MEDAG: variants seen among roughly 807,000 people sequenced by gnomAD.
The protein encoded by MEDAG is mesenteric estrogen dependent adipogenesis, also known as mesenteric estrogen-dependent adipogenesis protein.
In MEDAG, 25 loss-of-function variants were observed where a neutral mutation model predicts 29.9. The ratio of observed to expected loss-of-function variants is 0.84; its 90% CI spans 0.61 to 1.17. The LOEUF (loss-of-function observed/expected upper bound fraction) is 1.17, where lower values mean the gene tolerates loss of function less well. MEDAG is among the 50% of genes most tolerant of loss of function. The probability of loss-of-function intolerance (pLI) is 0.00; values close to 1 mark genes in which losing one functional copy is unlikely to be tolerated. For synonymous variants in MEDAG, 158 were observed against 148.2 expected (o/e 1.07, Z -0.48); for missense variants, 398 against 372.9 (o/e 1.07, Z -0.56).
At chr13:30,910,220 G>GT (rs749602652) in intron 1 of MEDAG, among the ~76,000 whole-genome samples, 1 of 68,678 alleles carries the variant, frequency 1.5e-5, no homozygotes, top group East Asian at 7.0e-4. Context: ...ACACACACAT[G>GT]TTTTTTCCTA....
chr13:30,906,850 C>G (rs979848269), intron 1 of MEDAG, 57 bp downstream of exon 1: 2 of 1,400,362 alleles, frequency 1.4e-6, no homozygotes, highest in East Asian at 2.8e-5. Flanking sequence ...GACGCCTCCA[C>G]CCGGCTGCGG....
chr13:30,914,922 A>G (rs1952912755), intron 1 of MEDAG, among the ~76,000 whole-genome samples: 1 of 152,200 alleles, frequency 6.6e-6, no homozygotes, highest in African/African-American at 2.4e-5. Flanking sequence ...CAGATATTGA[A>G]AGAATAGAGG....
chr13:30,918,294 T>C (rs931646754), intron 2 of MEDAG, among the ~76,000 whole-genome samples: 1 of 152,216 alleles, frequency 6.6e-6, no homozygotes, highest in Non-Finnish European at 1.5e-5. Flanking sequence ...CAGGACGTTA[T>C]GAACATGAAC....
intron 1 of MEDAG, 32 bp downstream of exon 1, chr13:30,906,825 C>T: frequency 1.4e-6 from 2 of 1,428,800 alleles, no homozygotes; most frequent in Non-Finnish European, 1.8e-6. Context: ...CCTGGCCCGT[C>T]GCCTGGTACC....
Position 30,921,020 on chromosome 13 carries a change from C to A in MEDAG, c.395C>A (p.Thr132Lys), listed in dbSNP as rs138327988. The A allele has an allele frequency of 1.9e-6, 3 of 1,613,034 alleles. No individual in the cohort carries two copies. Among genetic ancestry groups the A allele is most frequent in the Non-Finnish European group, 2.5e-6 (3 of 1,179,306 alleles). Residue 132 changes from threonine (T) to lysine (K), a missense_variant, in exon 3 of 5, where the codon ACG becomes AAG. Transcript: ENST00000380482. ...TCTGCTTGCTAATTTCTAGAAAGGACGTACGCGTTTCTTGTAAACACGAGG... is the reference window on the plus strand; with the variant it reads ...TCTGCTTGCTAATTTCTAGAAAGGAAGTACGCGTTTCTTGTAAACACGAGG... ...QTKKDTSKER[T>K]YAFLVNTRHP...
In MEDAG at chr13:30,910,431, C is replaced by A. The variant is rs1186570645; in HGVS notation, c.278+3638C>A. On this transcript the variant is annotated intron_variant, in intron 1 of 4. Coordinates refer to ENST00000380482, the MANE Select transcript of MEDAG (RefSeq NM_032849.4). Reference sequence around the variant, plus strand: ...ATCTCATAAAAGTTTACAAAGTTTGCATTACTGTTGTTTCTCCTTTTTACA... The same window carrying A: ...ATCTCATAAAAGTTTACAAAGTTTGAATTACTGTTGTTTCTCCTTTTTACA... Among the ~76,000 whole-genome samples, 2 of 152,288 alleles carry A rather than the reference C, an allele frequency of 1.3e-5. 1 individual carries two copies. The highest frequency in any genetic ancestry group is 6.8e-3 in the Middle Eastern group (2 of 294).
intron 4 of MEDAG, 138 bp from the exon 5 acceptor site, chr13:30,924,173 C>G (rs1953017409): frequency 1.2e-6 from 1 of 863,646 alleles, no homozygotes; most frequent in African/African-American, 1.7e-5. Context: ...TTCTGTTTAG[C>G]CTTTTGAATT....
chr13:30,912,470 T>C (rs1031440942), intron 1 of MEDAG, among the ~76,000 whole-genome samples: 4 of 152,074 alleles, frequency 2.6e-5, no homozygotes, highest in Non-Finnish European at 5.9e-5. Context: ...TGTGTTCTTC[T>C]TTTTCTCTGC....
In MEDAG at chr13:30,906,729, G is replaced by GTCT; in HGVS notation, c.217_219dup (p.Phe73dup). 6.6e-7 allele frequency: 1 copy of GTCT among 1,515,224 alleles called. No homozygotes were observed. The highest frequency in any genetic ancestry group is 2.5e-5 in the East Asian group (1 of 39,656). 93.9% of individuals were successfully genotyped at this position (1,515,224 alleles called of 1,614,324 possible). Reference sequence around the variant, plus strand: ...GGCGGCGGCGCGGGGGGGCTTCAACGTCTTCGGTGACGGCCTCGTGCGCCT... The same window carrying GTCT: ...GGCGGCGGCGCGGGGGGGCTTCAACGTCTTCTTCGGTGACGGCCTCGTGCGCCT... On this transcript the variant is annotated inframe_insertion, in exon 1 of 5. Transcript: ENST00000380482.
rs1346890352 is a variant in MEDAG at position 30,918,241 on chromosome 13, A to G, written c.388+729A>G. On this transcript the variant is annotated intron_variant, in intron 2 of 4. Coordinates refer to ENST00000380482, the MANE Select transcript of MEDAG (RefSeq NM_032849.4). Reference sequence around the variant, plus strand: ...ACCTACTATGTCTAAGAAGTGCTCTAATGTAATGGATCACCACAACAACTT... The same window carrying G: ...ACCTACTATGTCTAAGAAGTGCTCTGATGTAATGGATCACCACAACAACTT... Among the ~76,000 whole-genome samples the G allele has an allele frequency of 5.3e-5, 8 of 152,314 alleles. No homozygotes were observed. The East Asian group carries it at 9.6e-4, about 18-fold the overall frequency.
chr13:30,906,597 T>C lies in MEDAG; in HGVS notation c.82T>C (p.Cys28Arg), dbSNP rs774468841. The change falls in exon 1 of 5, where the codon TGC becomes CGC. Residue 28 changes from cysteine to arginine, a missense_variant. Physicochemically the swap from Cys to Arg is radical, Grantham distance 180. Transcript: ENST00000380482. ...TGGGGAGCTTCGCAGCCTGTGGACCTGCGACTGCGAGCTGGCCCTGCTGCC... is the reference window on the plus strand; with the variant it reads ...TGGGGAGCTTCGCAGCCTGTGGACCCGCGACTGCGAGCTGGCCCTGCTGCC... ...SSGELRSLWT[C>R]DCELALLPLA... is the part of the protein sequence containing the mutation. 2.0e-5 allele frequency: 32 copies of C among 1,586,918 alleles called. No homozygotes were observed. Among genetic ancestry groups the C allele is most frequent in the Non-Finnish European group, 2.6e-5 (30 of 1,175,436 alleles).
At chr13:30,917,848 T>C (rs948860695) in intron 2 of MEDAG, among the ~76,000 whole-genome samples, 12 of 152,162 alleles carry the variant, frequency 7.9e-5, no homozygotes, top group Non-Finnish European at 4.4e-5. Context: ...TCCTCCAACA[T>C]TGGGAATTAC....
intron 1 of MEDAG, among the ~76,000 whole-genome samples, chr13:30,917,032 A>T (rs1234292760): frequency 6.6e-6 from 1 of 152,224 alleles, no homozygotes; most frequent in African/African-American, 2.4e-5. Flanking sequence ...CCACTGGAGA[A>T]AATTCAGCTA....
Position 30,917,400 on chromosome 13 carries a change from T to C in MEDAG, c.279-3T>C, listed in dbSNP as rs1270767413. 3 of 1,505,952 alleles carry C rather than the reference T, an allele frequency of 2.0e-6. No homozygotes were observed. Among genetic ancestry groups the C allele is most frequent in the East Asian group, 2.3e-5 (1 of 44,386 alleles). 93.3% of individuals were successfully genotyped at this position (1,505,952 alleles called of 1,614,324 possible). ...ATTTGCAATGATCTCTGCTTCTTCA[T>C]AGGTATGTGGAACTGACCAACTACT... On this transcript the variant is annotated splice_polypyrimidine_tract_variant and splice_region_variant and intron_variant, in intron 1 of 4. Coordinates refer to ENST00000380482, the MANE Select transcript of MEDAG (RefSeq NM_032849.4).
intron 1 of MEDAG, among the ~76,000 whole-genome samples, chr13:30,914,882 C>T (rs1312499788): frequency 4.6e-5 from 7 of 152,274 alleles, no homozygotes; most frequent in South Asian, 4.1e-4. Context: ...AAATGCCATG[C>T]GCTTTCCATT....
At chr13:30,910,192 A>AC (rs1421015567) in intron 1 of MEDAG, among the ~76,000 whole-genome samples, 46 of 116,900 alleles carry the variant, frequency 3.9e-4, no homozygotes, top group Admixed American at 1.1e-3. Flanking sequence ...ACACACACAC[A>AC]AACACACACA....
chr13:30,919,302 T>C (rs1346799749), intron 2 of MEDAG, among the ~76,000 whole-genome samples: 2 of 152,246 alleles, frequency 1.3e-5, no homozygotes, highest in Admixed American at 1.3e-4. Flanking sequence ...TGCACTTTTG[T>C]GCAAATCAGA....
At position 30,924,465 on chromosome 13, in the gene MEDAG, G is replaced by A. The variant is rs146713994; in HGVS notation, c.*30G>A. 1.4e-4 allele frequency: 223 copies of A among 1,609,774 alleles called. No homozygotes were observed. In the East Asian group the frequency reaches 4.1e-3, roughly 30 times the overall value. ...ACTGAACATTGTAGCAGTTGCTCCCGCACTCCAGGCCTGTGCTAGACTATA... is the reference window on the plus strand; with the variant it reads ...ACTGAACATTGTAGCAGTTGCTCCCACACTCCAGGCCTGTGCTAGACTATA... On this transcript the variant is annotated 3_prime_UTR_variant, in exon 5 of 5. Transcript: ENST00000380482.
chr13:30,907,976 C>T (rs374434242), intron 1 of MEDAG, among the ~76,000 whole-genome samples: 2 of 152,162 alleles, frequency 1.3e-5, no homozygotes, highest in Admixed American at 6.5e-5. Flanking sequence ...CAATTCCAAA[C>T]CATAAGCGGA....
Sources: gnomAD v4.1 joint callset for allele counts (sites outside exome capture counted in the v4.1 genomes callset) on GRCh38, gnomAD v4.1.1 for gene constraint, MANE v1.5 for transcripts, NCBI Gene and HGNC (gene_info 2026-07-23, HGNC 2026-07-21) for gene names.